The following SRRM4 variants were observed in gnomAD, a reference collection of about 807,000 sequenced individuals.
SRRM4 encodes the protein serine/arginine repetitive matrix 4.
SRRM4 carries 33 observed loss-of-function variants against 68.9 expected under a neutral mutation model. The observed-to-expected ratio is 0.48, with a 90% CI of 0.36 to 0.64. SRRM4 has a LOEUF of 0.64. Ranked by LOEUF, SRRM4 falls within the 30% of genes least tolerant of loss-of-function variation. The pLI is 0.00. For missense variants in SRRM4, 817 were observed against 827.1 expected, an observed-to-expected ratio of 0.99 and a Z score of 0.15; for synonymous variants, 318 against 318.8, an observed-to-expected ratio of 1.00 and a Z score of 0.03.
chr12:119,145,338 G>A (rs769871630), intron 8 of SRRM4, 43 bp from the exon 9 acceptor site: 1 of 1,541,068 alleles, frequency 6.5e-7, no homozygotes, highest in South Asian at 1.2e-5. Flanking sequence ...ACAGCCCATG[G>A]GCCCAGCGCT....
At chr12:119,136,623 G>GA (rs963555954) in intron 8 of SRRM4, among the ~76,000 whole-genome samples, 91 of 152,124 alleles carry the variant, frequency 6.0e-4, no homozygotes, top group African/African-American at 1.5e-3. Flanking sequence ...GACCTTGGAA[G>GA]AAAAAAATGA....
Position 119,156,651 on chromosome 12 carries a change from G to A in SRRM4, c.1689G>A (p.Arg563=), listed in dbSNP as rs749705038. ...RSRSRSRRRS[R]TRTSSSSSSR... is the part of the protein sequence containing the mutation. The stretch of plus-strand genomic sequence containing the variant: ...GGAGCCGGAGCCGGAGACGGAGCCG[G>A]ACCCGCACGAGCAGCAGCTCTAGCT... The change falls in exon 13 of 13, where the codon CGG becomes CGA. Residue 563 remains arginine, a synonymous_variant. Coordinates refer to ENST00000267260, the MANE Select transcript of SRRM4 (RefSeq NM_194286.4). The A allele has an allele frequency of 6.3e-7, 1 of 1,582,316 alleles. No individual in the cohort carries two copies. Among genetic ancestry groups the A allele is most frequent in the East Asian group, 2.3e-5 (1 of 42,802 alleles).
chr12:119,061,833 T>G (rs1385389992), intron 1 of SRRM4, among the ~76,000 whole-genome samples: 4 of 152,042 alleles, frequency 2.6e-5, no homozygotes, highest in African/African-American at 9.7e-5. Context: ...CTCGACACAC[T>G]AGATTCTTAT....
rs531485516 is a variant in SRRM4 at position 119,057,080 on chromosome 12, C to G, written c.132-45156C>G. Among the ~76,000 whole-genome samples the G allele has an allele frequency of 2.0e-3, 298 of 152,288 alleles. 1 individual carries two copies. Among genetic ancestry groups the G allele is most frequent in the Non-Finnish European group, 3.6e-3 (248 of 68,016 alleles). ...GGGATTTTCCTAGATCACCTCAAGGCTAAGAACATAAAAGAAATGAAACCC... is the reference window on the plus strand; with the variant it reads ...GGGATTTTCCTAGATCACCTCAAGGGTAAGAACATAAAAGAAATGAAACCC... On this transcript the variant is annotated intron_variant, in intron 1 of 12. Transcript: ENST00000267260.
chr12:119,073,299 C>T (rs1162915847), intron 1 of SRRM4, among the ~76,000 whole-genome samples: 1 of 128,746 alleles, frequency 7.8e-6, no homozygotes, highest in African/African-American at 3.1e-5. Flanking sequence ...CTCTATTTCT[C>T]TCTCTCTCTC....
chr12:119,029,239 G>A (rs1953570664), intron 1 of SRRM4, among the ~76,000 whole-genome samples: 1 of 152,150 alleles, frequency 6.6e-6, no homozygotes. Flanking sequence ...TCAAAGCAAA[G>A]GACAAGGACA....
At chr12:119,011,507 A>T (rs1000358236) in intron 1 of SRRM4, among the ~76,000 whole-genome samples, 1 of 152,248 alleles carries the variant, frequency 6.6e-6, no homozygotes, top group African/African-American at 2.4e-5. Context: ...AGAATCACTC[A>T]TCTAGAGATA....
intron 7 of SRRM4, among the ~76,000 whole-genome samples, chr12:119,129,419 AT>A (rs1470759837): frequency 1.6e-5 from 2 of 121,374 alleles, no homozygotes; most frequent in Non-Finnish European, 3.4e-5. Flanking sequence ...CATCTCTGTC[AT>A]TTTTGTCAGC....
chr12:119,064,661 T>A (rs1214980044), intron 1 of SRRM4, among the ~76,000 whole-genome samples: 2 of 152,186 alleles, frequency 1.3e-5, no homozygotes, highest in Non-Finnish European at 2.9e-5. Flanking sequence ...AAACCTTGCT[T>A]ATTTAAAGCT....
intron 1 of SRRM4, among the ~76,000 whole-genome samples, chr12:119,026,849 T>G (rs1423471254): frequency 6.6e-6 from 1 of 152,152 alleles, no homozygotes; most frequent in African/African-American, 2.4e-5. Context: ...CAATGATCCT[T>G]TAAATTTTGT....
At chr12:119,066,940 A>G (rs1187814680) in intron 1 of SRRM4, among the ~76,000 whole-genome samples, 3 of 152,102 alleles carry the variant, frequency 2.0e-5, no homozygotes, top group African/African-American at 7.2e-5. Context: ...TAAAGCCAGG[A>G]CTCTTTCCAA....
At chr12:119,012,878 A>G (rs1312669976) in intron 1 of SRRM4, among the ~76,000 whole-genome samples, 1 of 152,146 alleles carries the variant, frequency 6.6e-6, no homozygotes, top group African/African-American at 2.4e-5. Flanking sequence ...ACTCCTACCC[A>G]AGACACAGAC....
intron 1 of SRRM4, among the ~76,000 whole-genome samples, chr12:119,048,722 C>T (rs1594043609): frequency 6.6e-6 from 1 of 152,242 alleles, no homozygotes; most frequent in East Asian, 1.9e-4. Context: ...GTCAGGAGTT[C>T]AAGAGCAGCC....
At position 118,983,503 on chromosome 12, in the gene SRRM4, A is replaced by G. The variant is rs180821764; in HGVS notation, c.131+1490A>G. 7.1e-4 allele frequency among the ~76,000 whole-genome samples: 108 copies of G among 152,270 alleles called. 1 individual carries two copies. Among genetic ancestry groups the G allele is most frequent in the African/African-American group, 2.5e-3 (105 of 41,540 alleles). On this transcript the variant is annotated intron_variant, in intron 1 of 12. Transcript: ENST00000267260. ...TAGAGTTTTGACGTCAGTGGTTTTT[A>G]TCTTCCTGGGTTTCTGCTATCTATT...
intron 1 of SRRM4, among the ~76,000 whole-genome samples, chr12:119,029,395 A>G (rs906442645): frequency 2.6e-5 from 4 of 152,238 alleles, no homozygotes; most frequent in Non-Finnish European, 5.9e-5. Flanking sequence ...GTGATTGCCA[A>G]GATAAGAATT....
At chr12:118,990,782 T>C (rs940866165) in intron 1 of SRRM4, among the ~76,000 whole-genome samples, 1 of 152,132 alleles carries the variant, frequency 6.6e-6, no homozygotes, top group Non-Finnish European at 1.5e-5. Flanking sequence ...TCTCCCTCCA[T>C]CTAAAGCCCT....
At chr12:119,087,269 G>A (rs1245180858) in intron 1 of SRRM4, among the ~76,000 whole-genome samples, 3 of 152,168 alleles carry the variant, frequency 2.0e-5, no homozygotes, top group Non-Finnish European at 2.9e-5. Flanking sequence ...GGTGCTCCAC[G>A]AATATCCACT....
At chr12:118,982,669 G>GTTTTTTTTTTTGT (rs10533651) in intron 1 of SRRM4, among the ~76,000 whole-genome samples, 11 of 115,708 alleles carry the variant, frequency 9.5e-5, no homozygotes, top group African/African-American at 3.6e-4. Context: ...GTTTTATTTT[G>GTTTTTTTTTTTGT]TTTTTTTTTG....
At chr12:119,009,442 A>G (rs1444369608) in intron 1 of SRRM4, among the ~76,000 whole-genome samples, 1 of 152,118 alleles carries the variant, frequency 6.6e-6, no homozygotes, top group East Asian at 1.9e-4. Context: ...GAAAACGACC[A>G]CTTTCTTCTC....
Sources: allele counts gnomAD v4.1 joint callset (sites outside exome capture counted in the v4.1 genomes callset), GRCh38; gene constraint gnomAD v4.1.1; transcripts MANE v1.5; gene names NCBI Gene and HGNC (gene_info 2026-07-23, HGNC 2026-07-21).